Variants in RAPGEF4 observed in about 807,000 individuals in gnomAD.
The protein encoded by RAPGEF4 is Rap guanine nucleotide exchange factor 4.
A neutral mutation model predicts 147.9 loss-of-function variants in RAPGEF4; 66 were observed. That is an observed-to-expected ratio of 0.45 (90% CI 0.37 to 0.55). The LOEUF is 0.55. Among genes scored for constraint, RAPGEF4 ranks in the 20% least tolerant of loss-of-function variants. RAPGEF4 has a pLI of 0.00. For synonymous variants in RAPGEF4, 419 were observed against 442.7 expected (o/e 0.95, Z 0.67); for missense variants, 1,071 against 1,257.3 (o/e 0.85, Z 2.24).
chr2:172,775,769 T>A (rs1052198098), intron 1 of RAPGEF4, among the ~76,000 whole-genome samples: 1 of 152,178 alleles, frequency 6.6e-6, no homozygotes, highest in Admixed American at 6.5e-5. Context: ...ACTAGCTACC[T>A]CAGATTTATT....
In RAPGEF4 at chr2:172,931,176, G is replaced by C. The variant is rs867876889; in HGVS notation, c.537+8876G>C. Among the ~76,000 whole-genome samples the C allele has an allele frequency of 8.2e-5, 9 of 109,150 alleles. 2 individuals carry two copies. Among genetic ancestry groups the C allele is most frequent in the South Asian group, 1.0e-3 (2 of 2,010 alleles). The allele number at this position is 109,150 out of a possible 152,430, so 71.6% of individuals were successfully genotyped here. A position where few individuals can be genotyped will look rare whatever the true frequency, so the allele number is the denominator to read the frequency against. On this transcript the variant is annotated intron_variant, in intron 6 of 30. Coordinates refer to ENST00000397081, the MANE Select transcript of RAPGEF4 (RefSeq NM_007023.4). ...TAAGATCAAGCCAGGCCGGGGTGGG[G>C]GGGGGGGGCGCTGGGGGGCGGGGGG...
chr2:172,865,846 G>A (rs868626749), intron 4 of RAPGEF4, among the ~76,000 whole-genome samples: 30 of 151,960 alleles, frequency 2.0e-4, no homozygotes, highest in African/African-American at 6.3e-4. Context: ...ATGTGTGTGT[G>A]TATATATATA....
chr2:172,986,807 C>T (rs1387701350), intron 12 of RAPGEF4, among the ~76,000 whole-genome samples: 13 of 151,936 alleles, frequency 8.6e-5, no homozygotes, highest in Admixed American at 8.5e-4. Flanking sequence ...AATTCTCCTG[C>T]CTCAGCCTCC....
chr2:172,997,430 T>C (rs1693476826), intron 16 of RAPGEF4, among the ~76,000 whole-genome samples: 1 of 151,878 alleles, frequency 6.6e-6, no homozygotes. Flanking sequence ...TATTCTGAGA[T>C]ACTGGAGGTT....
chr2:173,001,495 T>G lies in RAPGEF4; in HGVS notation c.1658+151T>G, dbSNP rs547888035. 8.2e-5 allele frequency: 79 copies of G among 965,874 alleles called. 2 individuals are homozygous for G. The South Asian group carries it at 1.2e-3, about 15-fold the overall frequency. The allele number at this position is 965,874 out of a possible 1,614,324, so 59.8% of individuals were successfully genotyped here. A position where few individuals can be genotyped will look rare whatever the true frequency, so the allele number is the denominator to read the frequency against. On this transcript the variant is annotated intron_variant, in intron 17 of 30. Coordinates refer to ENST00000397081, the MANE Select transcript of RAPGEF4 (RefSeq NM_007023.4). Reference sequence around the variant, plus strand: ...TCACACTGAAATGTGTTTTCCCACATTTCCCACAGTTTTCCCCTGTACAGA... The same window carrying G: ...TCACACTGAAATGTGTTTTCCCACAGTTCCCACAGTTTTCCCCTGTACAGA...
intron 10 of RAPGEF4, among the ~76,000 whole-genome samples, chr2:172,971,476 G>T (rs941190534): frequency 1.3e-5 from 2 of 152,180 alleles, no homozygotes; most frequent in African/African-American, 4.8e-5. Flanking sequence ...ATATATAAGA[G>T]AATTGTTAGA....
chr2:172,760,274 A>G (rs949462862), intron 1 of RAPGEF4, among the ~76,000 whole-genome samples: 2 of 152,266 alleles, frequency 1.3e-5, no homozygotes, highest in African/African-American at 4.8e-5. Context: ...GCATCATCAT[A>G]AAAATACTCC....
At chr2:173,021,021 A>G (rs1258086563) in intron 23 of RAPGEF4, among the ~76,000 whole-genome samples, 1 of 152,210 alleles carries the variant, frequency 6.6e-6, no homozygotes, top group Non-Finnish European at 1.5e-5. Flanking sequence ...GAATACTTAC[A>G]CCAGGATGGA....
intron 25 of RAPGEF4, among the ~76,000 whole-genome samples, chr2:173,029,872 T>G (rs1241928531): frequency 6.6e-6 from 1 of 152,210 alleles, no homozygotes; most frequent in Non-Finnish European, 1.5e-5. Flanking sequence ...AACAAGGCTT[T>G]TAGCAAGTTT....
At chr2:172,825,886 T>C (rs1352209672) in intron 4 of RAPGEF4, among the ~76,000 whole-genome samples, 1 of 152,266 alleles carries the variant, frequency 6.6e-6, no homozygotes, top group African/African-American at 2.4e-5. Flanking sequence ...CATGAATTGA[T>C]TGAAGTTTTA....
intron 4 of RAPGEF4, among the ~76,000 whole-genome samples, chr2:172,837,850 C>T (rs1003798129): frequency 6.6e-6 from 1 of 152,184 alleles, no homozygotes; most frequent in African/African-American, 2.4e-5. Context: ...AGGTGTGAGC[C>T]ACTCTGCCCA....
At chr2:173,036,020 G>A (rs1683955214) in intron 27 of RAPGEF4, 105 bp from the exon 28 acceptor site, 3 of 844,488 alleles carry the variant, frequency 3.6e-6, no homozygotes, top group African/African-American at 1.7e-5. Context: ...TTGTTCAAAG[G>A]TCAACTGTAC....
chr2:172,804,017 TCCTC>T (rs1213319170), intron 3 of RAPGEF4, among the ~76,000 whole-genome samples: 52 of 152,138 alleles, frequency 3.4e-4, no homozygotes, highest in Non-Finnish European at 1.0e-4. Flanking sequence ...TTCCACCAGT[TCCTC>T]CCATGACATG....
chr2:172,792,426 C>T (rs1360444797), intron 1 of RAPGEF4, among the ~76,000 whole-genome samples: 1 of 152,182 alleles, frequency 6.6e-6, no homozygotes, highest in African/African-American at 2.4e-5. Flanking sequence ...CAAGTCAAGC[C>T]TGCACATCTC....
intron 6 of RAPGEF4, among the ~76,000 whole-genome samples, chr2:172,934,598 A>T (rs1686348414): frequency 6.6e-6 from 1 of 152,190 alleles, no homozygotes; most frequent in African/African-American, 2.4e-5. Flanking sequence ...GAGTTAGGTA[A>T]ACAGATAATT....
Position 172,952,360 on chromosome 2 carries a change from G to A in RAPGEF4, c.538-8400G>A, listed in dbSNP as rs540562783. On this transcript the variant is annotated intron_variant, in intron 6 of 30. Transcript: ENST00000397081. ...TTGGACTTTGTTGTCAGAATTTCTC[G>A]TATTGGAAACAAGGGTGAATGATGA... is the stretch of plus-strand genomic sequence containing the variant. 6.6e-5 allele frequency among the ~76,000 whole-genome samples: 10 copies of A among 152,156 alleles called. No individual in the cohort carries two copies. In the East Asian group the frequency reaches 7.7e-4, roughly 12 times the overall value.
chr2:172,745,518 T>C (rs1190411424), intron 1 of RAPGEF4, among the ~76,000 whole-genome samples: 1 of 152,116 alleles, frequency 6.6e-6, no homozygotes, highest in Non-Finnish European at 1.5e-5. Flanking sequence ...AGAAACAACT[T>C]TTAGTTGATT....
intron 14 of RAPGEF4, among the ~76,000 whole-genome samples, chr2:172,990,028 A>AAAAT (rs1305089754): frequency 7.2e-6 from 1 of 139,674 alleles, no homozygotes; most frequent in African/African-American, 2.6e-5. Flanking sequence ...AAAAAAAAAA[A>AAAAT]AGAAAAGAAA....
chr2:172,815,327 G>T (rs1688395256), intron 4 of RAPGEF4, among the ~76,000 whole-genome samples: 1 of 152,228 alleles, frequency 6.6e-6, no homozygotes, highest in South Asian at 2.1e-4. Context: ...CCAACCTGCA[G>T]GTGAATGAGT....
Sources: allele counts gnomAD v4.1 joint callset (sites outside exome capture counted in the v4.1 genomes callset), GRCh38; gene constraint gnomAD v4.1.1; transcripts MANE v1.5; gene names NCBI Gene and HGNC (gene_info 2026-07-23, HGNC 2026-07-21).